Variants in FBXL17 observed in about 807,000 individuals in gnomAD.
FBXL17 encodes F-box/LRR-repeat protein 17.
A neutral mutation model predicts 66.2 loss-of-function variants in FBXL17; 22 were observed. The observed-to-expected ratio is 0.33, with a 90% confidence interval of 0.24 to 0.47. The LOEUF (loss-of-function observed/expected upper bound fraction) is 0.47. Among genes scored for constraint, FBXL17 ranks in the 20% least tolerant of loss-of-function variants. The pLI is 1.00. For missense variants in FBXL17, 878 were observed against 948.2 expected, an observed-to-expected ratio of 0.93 and a Z score of 0.97; for synonymous variants, 474 against 400.5, an observed-to-expected ratio of 1.18 and a Z score of -2.19.
intron 7 of FBXL17, among the ~76,000 whole-genome samples, chr5:107,921,665 C>T (rs577106392): frequency 6.6e-6 from 1 of 152,204 alleles, no homozygotes; most frequent in East Asian, 1.9e-4. Flanking sequence ...TGCTGGAAAC[C>T]AGGAAGGGGC....
chr5:108,358,065 C>G (rs1358667913), intron 3 of FBXL17, among the ~76,000 whole-genome samples: 1 of 152,012 alleles, frequency 6.6e-6, no homozygotes, highest in Admixed American at 6.6e-5. Flanking sequence ...CTTATTAGTT[C>G]AAATGGGTTT....
At chr5:107,955,250 C>T (rs1327002605) in intron 7 of FBXL17, among the ~76,000 whole-genome samples, 2 of 151,992 alleles carry the variant, frequency 1.3e-5, no homozygotes, top group African/African-American at 4.8e-5. Flanking sequence ...ATTCAACACA[C>T]ATCACAAAAT....
intron 4 of FBXL17, among the ~76,000 whole-genome samples, chr5:108,289,812 C>A (rs1758040238): frequency 6.6e-6 from 1 of 152,112 alleles, no homozygotes; most frequent in Non-Finnish European, 1.5e-5. Context: ...ACGATAACAT[C>A]CTTAAAGCAA....
chr5:107,899,671 T>C (rs1295591544), intron 7 of FBXL17, among the ~76,000 whole-genome samples: 1 of 152,190 alleles, frequency 6.6e-6, no homozygotes, highest in Non-Finnish European at 1.5e-5. Context: ...TGTTCAAAGG[T>C]CACTGTACTT....
chr5:108,302,221 A>G, intron 4 of FBXL17, among the ~76,000 whole-genome samples: 1 of 151,854 alleles, frequency 6.6e-6, no homozygotes, highest in East Asian at 1.9e-4. Context: ...TGACTATCCC[A>G]AGTAAATATA....
chr5:108,379,923 G>A (rs1396102346), intron 1 of FBXL17, among the ~76,000 whole-genome samples: 1 of 152,124 alleles, frequency 6.6e-6, no homozygotes, highest in East Asian at 1.9e-4. Flanking sequence ...TTTATGCAAG[G>A]GTTAAAATGT....
chr5:107,934,327 C>T (rs1364426667), intron 7 of FBXL17, among the ~76,000 whole-genome samples: 1 of 152,088 alleles, frequency 6.6e-6, no homozygotes, highest in Non-Finnish European at 1.5e-5. Context: ...CATCCAATAG[C>T]ATAAATGACC....
intron 8 of FBXL17, chr5:107,880,209 A>G: frequency 4.2e-6 from 1 of 240,730 alleles, no homozygotes; most frequent in Non-Finnish European, 6.7e-6. Flanking sequence ...CTGGGACTAC[A>G]GGTGTGTGCC....
chr5:108,192,832 A>G (rs555181102), intron 5 of FBXL17, among the ~76,000 whole-genome samples: 7 of 152,198 alleles, frequency 4.6e-5, no homozygotes, highest in African/African-American at 1.7e-4. Flanking sequence ...CCAGACCTCA[A>G]ATGGCTTCCA....
intron 6 of FBXL17, among the ~76,000 whole-genome samples, chr5:108,090,171 T>C (rs1580427544): frequency 6.6e-6 from 1 of 152,124 alleles, no homozygotes; most frequent in East Asian, 1.9e-4. Context: ...CATAAAGAAA[T>C]AATTAGTAAC....
chr5:108,343,104 C>T (rs987528135), intron 4 of FBXL17, among the ~76,000 whole-genome samples: 2 of 152,136 alleles, frequency 1.3e-5, no homozygotes, highest in Non-Finnish European at 2.9e-5. Context: ...AAGCCCTCAC[C>T]AAACACCAAA....
chr5:108,299,756 G>A, intron 4 of FBXL17: 1 of 984,990 alleles, frequency 1.0e-6, no homozygotes, highest in Non-Finnish European at 1.2e-6. Context: ...GCTGATTGAA[G>A]CAGTGCATGT....
chr5:108,040,573 C>T (rs930206472), intron 6 of FBXL17, among the ~76,000 whole-genome samples: 9 of 152,016 alleles, frequency 5.9e-5, no homozygotes, highest in African/African-American at 2.2e-4. Flanking sequence ...TATATTTTCC[C>T]TGACATGCAA....
At chr5:107,878,689 C>G (rs545700793) in intron 8 of FBXL17, 19 of 985,384 alleles carry the variant, frequency 1.9e-5, no homozygotes, top group Non-Finnish European at 2.3e-5. Flanking sequence ...AACTGAATAG[C>G]TACTTTAGAT....
intron 1 of FBXL17, among the ~76,000 whole-genome samples, chr5:108,371,977 C>G (rs541787843): frequency 1.3e-5 from 2 of 152,284 alleles, no homozygotes; most frequent in South Asian, 4.1e-4. Context: ...ATCACCTAGA[C>G]AGGTAAGCCT....
At chr5:108,077,433 G>T (rs569704070) in intron 6 of FBXL17, among the ~76,000 whole-genome samples, 19 of 152,150 alleles carry the variant, frequency 1.2e-4, no homozygotes, top group Non-Finnish European at 2.4e-4. Flanking sequence ...GGAGGCCAAG[G>T]CAAGAGGATC....
At chr5:107,990,778 GACAAGGTCCC>G (rs1753207979) in intron 7 of FBXL17, among the ~76,000 whole-genome samples, 1 of 152,108 alleles carries the variant, frequency 6.6e-6, no homozygotes, top group East Asian at 1.9e-4. Context: ...AAACATGAAA[GACAAGGTCCC>G]TGTCCCCAGG....
chr5:108,040,970 T>C (rs1206134144), intron 6 of FBXL17, among the ~76,000 whole-genome samples: 1 of 152,120 alleles, frequency 6.6e-6, no homozygotes, highest in Non-Finnish European at 1.5e-5. Flanking sequence ...GAGACCTTGG[T>C]TTGAGTCTGG....
At chr5:108,310,208 A>G (rs563064431) in intron 4 of FBXL17, among the ~76,000 whole-genome samples, 2 of 152,290 alleles carry the variant, frequency 1.3e-5, no homozygotes, top group African/African-American at 4.8e-5. Context: ...CTCACAAAAC[A>G]TGTAAGACCT....
Sources: gnomAD v4.1 joint callset for allele counts (sites outside exome capture counted in the v4.1 genomes callset) on GRCh38, gnomAD v4.1.1 for gene constraint, MANE v1.5 for transcripts, NCBI Gene and HGNC (gene_info 2026-07-23, HGNC 2026-07-21) for gene names.